ZNF146: variants seen among roughly 807,000 people sequenced by gnomAD.
ZNF146 encodes the protein zinc finger protein OZF.
ZNF146 carries 9 observed loss-of-function variants against 22.2 expected under a neutral mutation model. The observed-to-expected ratio is 0.41, with a 90% CI of 0.24 to 0.71. The LOEUF (loss-of-function observed/expected upper bound fraction) is 0.71. ZNF146 is among the 30% of genes least tolerant of loss of function. ZNF146 has a pLI of 0.34. For synonymous variants in ZNF146, 108 were observed against 119.2 expected (o/e 0.91, Z 0.61); for missense variants, 194 against 344.8 (o/e 0.56, Z 3.46).
In ZNF146 at chr19:36,236,768, A is replaced by G. The variant is rs763369321; in HGVS notation, c.328A>G (p.Ile110Val). ...GTGTAAAGATTGCGGGAAAGCTTTC[A>G]TTCAGAAGTCAAACCTCATCAGACA... Reference protein sequence around the residue: ...FECKDCGKAFIQKSNLIRHQR... With the variant: ...FECKDCGKAFVQKSNLIRHQR... Residue 110 changes from isoleucine (I) to valine (V), a missense_variant, in exon 4 of 4, where the codon ATT (isoleucine) becomes GTT (valine). Ile to Val is a conservative substitution (Grantham distance 29). This residue lies in a region of ZNF146 where 147 missense variants were observed against 300.1 expected (regional missense o/e 0.49). Coordinates refer to ENST00000443387, the MANE Select transcript of ZNF146 (RefSeq NM_007145.3). 6.2e-7 allele frequency: 1 copy of G among 1,614,176 alleles called. No individual in the cohort carries two copies. Among genetic ancestry groups the G allele is most frequent in the Non-Finnish European group, 8.5e-7 (1 of 1,180,026 alleles).
intron 2 of ZNF146, among the ~76,000 whole-genome samples, chr19:36,223,670 C>T (rs1313908160): frequency 1.5e-5 from 1 of 68,864 alleles, no homozygotes; most frequent in Non-Finnish European, 2.8e-5. Flanking sequence ...GCTGATTCAT[C>T]AGTCTTTTAT....
chr19:36,217,949 G>T lies in ZNF146; in HGVS notation c.-928-173G>T, dbSNP rs563902047. On this transcript the variant is annotated intron_variant, in intron 1 of 3. Transcript: ENST00000443387. ...AATAAAACTGGCTGTTGGGGTGGGG[G>T]TACTGGAATAGACAGGGCAAAGGCT... Among the ~76,000 whole-genome samples, 5 of 151,908 alleles carry T rather than the reference G, an allele frequency of 3.3e-5. No individual in the cohort carries two copies. The South Asian group carries it at 1.0e-3, about 32-fold the overall frequency.
At chr19:36,233,429 A>G (rs1043842229) in intron 3 of ZNF146, among the ~76,000 whole-genome samples, 1 of 152,066 alleles carries the variant, frequency 6.6e-6, no homozygotes, top group Non-Finnish European at 1.5e-5. Context: ...AAAGAAAGAG[A>G]CACAGAAACA....
Position 36,237,584 on chromosome 19 carries a change from A to T in ZNF146, c.*265A>T. The T allele has an allele frequency of 3.3e-6, 1 of 302,980 alleles. No individual in the cohort carries two copies. Among genetic ancestry groups the T allele is most frequent in the Non-Finnish European group, 6.4e-6 (1 of 156,358 alleles). 18.8% of individuals were successfully genotyped at this position (302,980 alleles called of 1,614,324 possible). ...CACTAAAAGTGGGAACAGAAAATGG[A>T]GGCCTGTTTTTTATTGCTACCACCA... is the stretch of plus-strand genomic sequence containing the variant. On this transcript the variant is annotated 3_prime_UTR_variant, in exon 4 of 4. Transcript: ENST00000443387.
intron 3 of ZNF146, among the ~76,000 whole-genome samples, chr19:36,234,212 A>G (rs1177464306): frequency 6.6e-6 from 1 of 152,228 alleles, no homozygotes; most frequent in East Asian, 1.9e-4. Context: ...GTAGGGTTAC[A>G]GATTAACAGC....
chr19:36,216,960 G>A (rs1006910564), intron 1 of ZNF146, among the ~76,000 whole-genome samples: 1 of 151,530 alleles, frequency 6.6e-6, no homozygotes, highest in Non-Finnish European at 1.5e-5. Flanking sequence ...TTGGGAGGCT[G>A]AGGTGGGAGG....
chr19:36,235,455 T>C (rs950074752), intron 3 of ZNF146, among the ~76,000 whole-genome samples: 4 of 152,218 alleles, frequency 2.6e-5, no homozygotes, highest in African/African-American at 9.6e-5. Context: ...TTGGAAGCAT[T>C]AATAATATAG....
intron 3 of ZNF146, among the ~76,000 whole-genome samples, chr19:36,229,285 A>C (rs566471814): frequency 1.3e-5 from 2 of 152,270 alleles, no homozygotes; most frequent in South Asian, 4.1e-4. Flanking sequence ...CTGCCATCGT[A>C]GATCCATGGA....
At chr19:36,223,595 C>T (rs1222943711) in intron 2 of ZNF146, among the ~76,000 whole-genome samples, 1 of 152,012 alleles carries the variant, frequency 6.6e-6, no homozygotes, top group African/African-American at 2.4e-5. Context: ...GATCTCCTGA[C>T]CTCGTGATCC....
rs764390693 is a variant in ZNF146 at position 36,237,004 on chromosome 19, A to G, written c.564A>G (p.Glu188=). Reference sequence around the variant, plus strand: ...GAGAGAAACCCTATGAATGTAACGAATGTGGAAAAGCCTTCTCTCAGCGAA... The same window carrying G: ...GAGAGAAACCCTATGAATGTAACGAGTGTGGAAAAGCCTTCTCTCAGCGAA... The part of the protein sequence containing the change: ...HTGEKPYECN[E]CGKAFSQRTS... Residue 188 remains glutamate (E), a synonymous_variant, in exon 4 of 4, where the codon GAA becomes GAG. Coordinates refer to ENST00000443387, the MANE Select transcript of ZNF146 (RefSeq NM_007145.3). 7 of 1,614,196 alleles carry G rather than the reference A, an allele frequency of 4.3e-6. No homozygotes were observed. Among genetic ancestry groups the G allele is most frequent in the South Asian group, 1.1e-5 (1 of 91,082 alleles).
intron 2 of ZNF146, among the ~76,000 whole-genome samples, chr19:36,218,960 C>T (rs1397733736): frequency 6.6e-6 from 1 of 151,194 alleles, no homozygotes; most frequent in African/African-American, 2.4e-5. Flanking sequence ...GGGCGCCCAC[C>T]ACCACGTCCG....
intron 3 of ZNF146, among the ~76,000 whole-genome samples, chr19:36,232,810 A>G (rs1456219609): frequency 6.6e-6 from 1 of 152,010 alleles, no homozygotes; most frequent in Non-Finnish European, 1.5e-5. Context: ...AGGTTTCACC[A>G]TGTTGGCCAG....
chr19:36,216,844 G>C (rs1364742316), intron 1 of ZNF146, among the ~76,000 whole-genome samples: 1 of 95,780 alleles, frequency 1.0e-5, no homozygotes, highest in African/African-American at 4.1e-5. Flanking sequence ...GCCTCAGGCC[G>C]GGCTTGGTGG....
At chr19:36,224,467 G>A (rs984438817) in intron 2 of ZNF146, among the ~76,000 whole-genome samples, 18 of 152,168 alleles carry the variant, frequency 1.2e-4, no homozygotes, top group Admixed American at 9.2e-4. Flanking sequence ...TATTTGGTCT[G>A]TTTCTGGGTG....
intron 3 of ZNF146, among the ~76,000 whole-genome samples, chr19:36,229,646 ATGG>A (rs1977237142): frequency 6.6e-6 from 1 of 152,222 alleles, no homozygotes; most frequent in South Asian, 2.1e-4. Context: ...TTTCATATAA[ATGG>A]TGGTATATTA....
chr19:36,226,626 A>C (rs999406545), intron 2 of ZNF146, among the ~76,000 whole-genome samples: 1 of 152,094 alleles, frequency 6.6e-6, no homozygotes, highest in African/African-American at 2.4e-5. Flanking sequence ...TCCTTTATCT[A>C]TAAATACTTC....
rs2097769463 is a variant in ZNF146 at position 36,237,226 on chromosome 19, C to T, written c.786C>T (p.His262=). The change falls in exon 4 of 4, where the codon CAC becomes CAT. Residue 262 remains histidine (H), a synonymous_variant. Coordinates refer to ENST00000443387, the MANE Select transcript of ZNF146 (RefSeq NM_007145.3). ...CCCTTGCTCTGCATTTGAGAATACA[C>T]ACAGGTAAGAAGCCTTATCAGTGCA... ...FSTLALHLRI[H]TGKKPYQCSE... The T allele has an allele frequency of 6.2e-7, 1 of 1,613,906 alleles. No homozygotes were observed. The highest frequency in any genetic ancestry group is 1.7e-5 in the Admixed American group (1 of 59,976).
intron 1 of ZNF146, among the ~76,000 whole-genome samples, chr19:36,217,676 G>C (rs1235847803): frequency 1.3e-5 from 2 of 152,022 alleles, no homozygotes; most frequent in Non-Finnish European, 2.9e-5. Context: ...CCTGAGGTCA[G>C]GAGTTTGAGA....
At chr19:36,222,656 G>T (rs1449116277) in intron 2 of ZNF146, among the ~76,000 whole-genome samples, 2 of 151,898 alleles carry the variant, frequency 1.3e-5, no homozygotes, top group East Asian at 3.9e-4. Context: ...TTAAAGGCCT[G>T]TATGTATTAA....
Sources: gnomAD v4.1 joint callset for allele counts (sites outside exome capture counted in the v4.1 genomes callset) on GRCh38, gnomAD v4.1.1 for gene constraint, gnomAD v4.1.1 regional missense constraint, MANE v1.5 for transcripts, NCBI Gene and HGNC (gene_info 2026-07-23, HGNC 2026-07-21) for gene names.